KRT75: variants seen among roughly 807,000 people sequenced by gnomAD.
The protein encoded by KRT75 is keratin, type II cytoskeletal 75.
A neutral mutation model predicts 48.8 loss-of-function variants in KRT75; 35 were observed. The observed-to-expected ratio is 0.72, with a 90% CI of 0.55 to 0.95. The LOEUF is 0.95. Among genes scored for constraint, KRT75 ranks in the 40% least tolerant of loss-of-function variants. The pLI is 0.00. For synonymous variants in KRT75, 301 were observed against 282.3 expected, an observed-to-expected ratio of 1.07 and a Z score of -0.66; for missense variants, 776 against 709.9, an observed-to-expected ratio of 1.09 and a Z score of -1.06.
chr12:52,434,252 C>T lies in KRT75; in HGVS notation c.53G>A (p.Ser18Asn). The change falls in exon 1 of 9, where the codon AGC becomes AAC. Residue 18 changes from serine to asparagine, a missense_variant. Ser to Asn is a conservative substitution (Grantham distance 46). Coordinates refer to ENST00000252245, the MANE Select transcript of KRT75 (RefSeq NM_004693.3). ...TGCCGGGGTGATGGCCGAGGTGGTGCTGAAGCCCCTGCGGCTGCCAGACTG... is the reference window on the plus strand; with the variant it reads ...TGCCGGGGTGATGGCCGAGGTGGTGTTGAAGCCCCTGCGGCTGCCAGACTG... ...TFQSGSRRGFSTTSAITPAAG... is the reference protein window; with the variant it reads ...TFQSGSRRGFNTTSAITPAAG... The T allele has an allele frequency of 6.3e-7, 1 of 1,587,878 alleles. No individual in the cohort carries two copies.
chr12:52,428,788 C>T (rs1403781850), intron 5 of KRT75, 45 bp from the exon 6 acceptor site: 3 of 1,612,092 alleles, frequency 1.9e-6, no homozygotes, highest in Non-Finnish European at 2.5e-6. Flanking sequence ...AAATGCCTGG[C>T]CCAGGCACTC....
At chr12:52,426,188 C>G (rs1314269166) in intron 8 of KRT75, among the ~76,000 whole-genome samples, 1 of 152,228 alleles carries the variant, frequency 6.6e-6, no homozygotes, top group Non-Finnish European at 1.5e-5. Flanking sequence ...CGAATGACCA[C>G]TTCTTCTCTC....
At chr12:52,425,323 C>T (rs1940063887) in intron 8 of KRT75, among the ~76,000 whole-genome samples, 1 of 152,108 alleles carries the variant, frequency 6.6e-6, no homozygotes, top group Admixed American at 6.5e-5. Context: ...TGGGTCCTGC[C>T]GAAGGAAAAT....
chr12:52,434,002 C>T lies in KRT75; in HGVS notation c.303G>A (p.Gly101=), dbSNP rs2232385. 0.11 allele frequency: 184,850 copies of T among 1,614,012 alleles called. 11,689 individuals carry two copies. The highest frequency in any genetic ancestry group is 0.22 in the African/African-American group (16,466 of 74,970). Residue 101 remains glycine, a synonymous_variant, in exon 1 of 9, where the codon GGG becomes GGA. Coordinates refer to ENST00000252245, the MANE Select transcript of KRT75 (RefSeq NM_004693.3). The stretch of plus-strand genomic sequence containing the variant: ...CACTGAAGCCTCCTCCAACTCCACC[C>T]CCATAGCCAAATCCACTGTTGACTC... ...RFGVNSGFGY[G]GGVGGGFSGP...
In KRT75 at chr12:52,424,318, A is replaced by G; in HGVS notation, c.*199T>C. 1.4e-6 allele frequency: 1 copy of G among 699,154 alleles called. No homozygotes were observed. The highest frequency in any genetic ancestry group is 2.6e-6 in the Non-Finnish European group (1 of 384,134). 43.3% of individuals were successfully genotyped at this position (699,154 alleles called of 1,614,324 possible). A position where few individuals can be genotyped will look rare whatever the true frequency, so the allele number is the denominator to read the frequency against. ...AGCAGGCTTTGGTTTCACATGTGTAACAGACGGGTGCTGCTGGCAGTCTGG... is the reference window on the plus strand; with the variant it reads ...AGCAGGCTTTGGTTTCACATGTGTAGCAGACGGGTGCTGCTGGCAGTCTGG... On this transcript the variant is annotated 3_prime_UTR_variant, in exon 9 of 9. Coordinates refer to ENST00000252245, the MANE Select transcript of KRT75 (RefSeq NM_004693.3).
At position 52,428,670 on chromosome 12, in the gene KRT75, A is replaced by T; in HGVS notation, c.1109T>A (p.Met370Lys). ...LRNTKQEISE[M>K]NRMIQRLRAE... ...TCTCAGCCTCTGGATCATGCGGTTC[A>T]TTTCAGAGATCTCTTGTTTGGTGTT... The change falls in exon 6 of 9, where the codon ATG becomes AAG. Residue 370 changes from methionine (M) to lysine (K), a missense_variant. Physicochemically the swap from Met to Lys is moderately conservative, Grantham distance 95. Coordinates refer to ENST00000252245, the MANE Select transcript of KRT75 (RefSeq NM_004693.3). The T allele has an allele frequency of 6.2e-7, 1 of 1,614,174 alleles. No individual in the cohort carries two copies. The highest frequency in any genetic ancestry group is 8.5e-7 in the Non-Finnish European group (1 of 1,180,028).
Position 52,424,410 on chromosome 12 carries a change from G to T in KRT75, c.*107C>A. The T allele has an allele frequency of 9.3e-7, 1 of 1,069,590 alleles. No homozygotes were observed. Among genetic ancestry groups the T allele is most frequent in the Non-Finnish European group, 1.5e-6 (1 of 685,214 alleles). 66.3% of individuals were successfully genotyped at this position (1,069,590 alleles called of 1,614,324 possible). A position where few individuals can be genotyped will look rare whatever the true frequency, so the allele number is the denominator to read the frequency against. ...GTATAGCCAGTACTCCAGGCTCCCA[G>T]CAGCACAGGTGCACCTTACAAGGAG... On this transcript the variant is annotated 3_prime_UTR_variant, in exon 9 of 9. Transcript: ENST00000252245.
chr12:52,426,885 C>T (rs746106663), intron 7 of KRT75, 34 bp from the exon 8 acceptor site: 1 of 1,608,076 alleles, frequency 6.2e-7, no homozygotes, highest in Non-Finnish European at 8.5e-7. Context: ...GGAAGGTTAC[C>T]AATGTGGCCA....
chr12:52,432,445 T>C (rs1180577204), intron 2 of KRT75, among the ~76,000 whole-genome samples: 1 of 152,162 alleles, frequency 6.6e-6, no homozygotes, highest in Non-Finnish European at 1.5e-5. Flanking sequence ...TTTTGATATA[T>C]TTTCACTGAA....
chr12:52,426,967 T>TA, intron 7 of KRT75, 116 bp from the exon 8 acceptor site: 1 of 856,492 alleles, frequency 1.2e-6, no homozygotes, highest in South Asian at 1.4e-5. Context: ...TTATTATTTT[T>TA]ATTGCAGAAG....
Position 52,424,727 on chromosome 12 carries a change from G to C in KRT75, c.1446C>G (p.Gly482=), listed in dbSNP as rs759708155. 1.2e-6 allele frequency: 2 copies of C among 1,613,956 alleles called. No individual in the cohort carries two copies. Among genetic ancestry groups the C allele is most frequent in the Middle Eastern group, 1.6e-4 (1 of 6,062 alleles). Reference sequence around the variant, plus strand: ...CTCCAATGCTGCTGCCGCTTCCATAGCCACTGGAAAGAGTAGAGGTGACCA... The same window carrying C: ...CTCCAATGCTGCTGCCGCTTCCATACCCACTGGAAAGAGTAGAGGTGACCA... ...ISVVTSTLSS[G]YGSGSSIGGG... The change falls in exon 9 of 9, where the codon GGC becomes GGG. Residue 482 remains glycine (G), a synonymous_variant. Coordinates refer to ENST00000252245, the MANE Select transcript of KRT75 (RefSeq NM_004693.3).
intron 7 of KRT75, among the ~76,000 whole-genome samples, chr12:52,427,286 A>G (rs1940086676): frequency 6.6e-6 from 1 of 152,214 alleles, no homozygotes; most frequent in Non-Finnish European, 1.5e-5. Flanking sequence ...AAAAATAACA[A>G]TAGTAATATC....
chr12:52,428,471 G>A lies in KRT75; in HGVS notation c.1167C>T (p.Ser389=), dbSNP rs756503098. Residue 389 remains serine, a synonymous_variant, in exon 7 of 9, where the codon TCC becomes TCT. Transcript: ENST00000252245. ...CATCAGCAATGGCCGTTTGCAAGCTGGAACACTGTAAGGACAGGAGGAAGC... is the reference window on the plus strand; with the variant it reads ...CATCAGCAATGGCCGTTTGCAAGCTAGAACACTGTAAGGACAGGAGGAAGC... ...AEIDSVKKQC[S]SLQTAIADAE... is the part of the protein sequence containing the mutation. 6.8e-6 allele frequency: 11 copies of A among 1,613,552 alleles called. No individual in the cohort carries two copies. Among genetic ancestry groups the A allele is most frequent in the Non-Finnish European group, 9.3e-6 (11 of 1,179,694 alleles).
At chr12:52,426,363 G>A (rs556162568) in intron 8 of KRT75, among the ~76,000 whole-genome samples, 1 of 152,234 alleles carries the variant, frequency 6.6e-6, no homozygotes, top group South Asian at 2.1e-4. Context: ...TTCTCAAACT[G>A]TTTAGGAGAG....
intron 4 of KRT75, 31 bp downstream of exon 4, chr12:52,431,512 A>G: frequency 1.4e-6 from 2 of 1,444,058 alleles, no homozygotes; most frequent in Non-Finnish European, 2.0e-6. Flanking sequence ...CTCCAGACCT[A>G]GGAGAGACAG....
Position 52,431,987 on chromosome 12 carries a change from G to C in KRT75, c.774+19C>G, listed in dbSNP as rs546314120. 2.2e-5 allele frequency: 36 copies of C among 1,613,280 alleles called. No individual in the cohort carries two copies. The highest frequency in any genetic ancestry group is 2.7e-5 in the Non-Finnish European group (32 of 1,179,304). ...TTCCATTTTAAACCTTCTCCTTTGAGAGAAACATCCCCACTCACCTTTTTC... is the reference window on the plus strand; with the variant it reads ...TTCCATTTTAAACCTTCTCCTTTGACAGAAACATCCCCACTCACCTTTTTC... On this transcript the variant is annotated intron_variant, in intron 3 of 8. Coordinates refer to ENST00000252245, the MANE Select transcript of KRT75 (RefSeq NM_004693.3).
chr12:52,429,555 G>T (rs1242611259), intron 5 of KRT75, among the ~76,000 whole-genome samples: 1 of 152,172 alleles, frequency 6.6e-6, no homozygotes, highest in Non-Finnish European at 1.5e-5. Flanking sequence ...GTGCTGAATA[G>T]CTCAGGTTCC....
intron 7 of KRT75, among the ~76,000 whole-genome samples, chr12:52,427,727 T>C (rs557648936): frequency 7.6e-4 from 116 of 152,338 alleles, no homozygotes; most frequent in Non-Finnish European, 1.4e-3. Flanking sequence ...TTTTATTGGA[T>C]GAGAACACTG....
chr12:52,428,484 G>A lies in KRT75; in HGVS notation c.1162-8C>T. ...CGTTTGCAAGCTGGAACACTGTAAG[G>A]ACAGGAGGAAGCCATGAGTCCTGCT... On this transcript the variant is annotated splice_region_variant and splice_polypyrimidine_tract_variant and intron_variant, in intron 6 of 8. Coordinates refer to ENST00000252245, the MANE Select transcript of KRT75 (RefSeq NM_004693.3). 1 of 1,612,946 alleles carries A rather than the reference G, an allele frequency of 6.2e-7. No homozygotes were observed. Among genetic ancestry groups the A allele is most frequent in the South Asian group, 1.1e-5 (1 of 90,942 alleles).
Sources: allele counts gnomAD v4.1 joint callset (sites outside exome capture counted in the v4.1 genomes callset), GRCh38; gene constraint gnomAD v4.1.1; transcripts MANE v1.5; gene names NCBI Gene and HGNC (gene_info 2026-07-23, HGNC 2026-07-21).